BMPR2: variants seen among roughly 807,000 people sequenced by gnomAD.
BMPR2 encodes the protein bone morphogenetic protein receptor type-2.
Under a neutral mutation model 100.8 loss-of-function variants are expected in BMPR2, and 29 were observed. The ratio of observed to expected loss-of-function variants is 0.29; its 90% confidence interval spans 0.21 to 0.39. The LOEUF (loss-of-function observed/expected upper bound fraction) is 0.39. Ranked by LOEUF, BMPR2 falls within the 10% of genes least tolerant of loss-of-function variation. The probability of loss-of-function intolerance (pLI) is 1.00; values close to 1 mark genes in which losing one functional copy is unlikely to be tolerated. For missense variants in BMPR2, 1,011 were observed against 1,274.5 expected, an observed-to-expected ratio of 0.79 and a Z score of 3.15; for synonymous variants, 382 against 442.3, an observed-to-expected ratio of 0.86 and a Z score of 1.71.
At chr2:202,480,944 G>A (rs1358503677) in intron 3 of BMPR2, among the ~76,000 whole-genome samples, 5 of 107,626 alleles carry the variant, frequency 4.6e-5, no homozygotes, top group Non-Finnish European at 6.8e-5. Context: ...GACAGACCGA[G>A]ACTCCGTCTA....
intron 1 of BMPR2, among the ~76,000 whole-genome samples, chr2:202,424,278 G>A (rs1006897254): frequency 6.6e-6 from 1 of 152,032 alleles, no homozygotes; most frequent in African/African-American, 2.4e-5. Flanking sequence ...GGAAGCTGAG[G>A]CAAGAGAATT....
chr2:202,410,404 T>A (rs1690989407), intron 1 of BMPR2, among the ~76,000 whole-genome samples: 1 of 151,982 alleles, frequency 6.6e-6, no homozygotes, highest in Admixed American at 6.6e-5. Context: ...TATCAGAAAG[T>A]AACTAAAAAA....
rs1161944548 is a variant in BMPR2 at position 202,385,361 on chromosome 2, C to CTTTTTT, written c.76+7828_76+7833dup. 6.8e-4 allele frequency among the ~76,000 whole-genome samples: 59 copies of CTTTTTT among 86,310 alleles called. 3 individuals are homozygous for CTTTTTT. Among genetic ancestry groups the CTTTTTT allele is most frequent in the African/African-American group, 9.8e-4 (20 of 20,468 alleles). The allele number at this position is 86,310 out of a possible 152,430, so 56.6% of individuals were successfully genotyped here. Reference sequence around the variant, plus strand: ...TTTTCTTCTAATTAAAAAAAAGATGCTTTTTTTTTTTTTTTTTTTTTTGAG... The same window carrying CTTTTTT: ...TTTTCTTCTAATTAAAAAAAAGATGCTTTTTTTTTTTTTTTTTTTTTTTTTTTTGAG... On this transcript the variant is annotated intron_variant, in intron 1 of 12. Coordinates refer to ENST00000374580, the MANE Select transcript of BMPR2 (RefSeq NM_001204.7).
At chr2:202,454,926 G>T (rs560453535) in intron 1 of BMPR2, among the ~76,000 whole-genome samples, 5 of 152,168 alleles carry the variant, frequency 3.3e-5, no homozygotes, top group Non-Finnish European at 7.4e-5. Context: ...TGGATCCCTG[G>T]TAAGGGCTCT....
intron 1 of BMPR2, among the ~76,000 whole-genome samples, chr2:202,443,421 C>T (rs2105941125): frequency 6.6e-6 from 1 of 150,746 alleles, no homozygotes; most frequent in South Asian, 2.1e-4. Context: ...ATTTTTCATT[C>T]CCACCAACAG....
chr2:202,424,687 C>A (rs1486835254), intron 1 of BMPR2, among the ~76,000 whole-genome samples: 3 of 152,096 alleles, frequency 2.0e-5, no homozygotes, highest in African/African-American at 7.2e-5. Flanking sequence ...CAGAGCGACA[C>A]TCCGTCTCAA....
In BMPR2 at chr2:202,376,883, C is replaced by CT. The variant is rs374932304; in HGVS notation, c.-586dup. On this transcript the variant is annotated 5_prime_UTR_variant, in exon 1 of 13. The change creates a premature stop within an existing upstream ORF in the 5' untranslated region. Coordinates refer to ENST00000374580, the MANE Select transcript of BMPR2 (RefSeq NM_001204.7). ...TGAGCTTGTCCATGGAGGCAGGCAC[C>CT]TTTTTTGATCCAGTCAAGGAAGAGG... The CT allele has an allele frequency of 9.2e-4, 377 of 410,202 alleles. 3 individuals are homozygous for CT. The highest frequency in any genetic ancestry group is 6.2e-3 in the African/African-American group (302 of 48,736). 25.4% of individuals were successfully genotyped at this position (410,202 alleles called of 1,614,324 possible). A position where few individuals can be genotyped will look rare whatever the true frequency, so the allele number is the denominator to read the frequency against.
chr2:202,380,286 A>G (rs960023370), intron 1 of BMPR2, among the ~76,000 whole-genome samples: 1 of 152,156 alleles, frequency 6.6e-6, no homozygotes, highest in Non-Finnish European at 1.5e-5. Flanking sequence ...GCTATTATTT[A>G]AAGGTCAACT....
chr2:202,529,105 A>G (rs1249010074), intron 7 of BMPR2, among the ~76,000 whole-genome samples: 1 of 152,236 alleles, frequency 6.6e-6, no homozygotes, highest in African/African-American at 2.4e-5. Flanking sequence ...AAAAAAATAG[A>G]TATAGACAAC....
chr2:202,498,921 G>T (rs755171112), intron 3 of BMPR2, among the ~76,000 whole-genome samples: 2 of 152,128 alleles, frequency 1.3e-5, no homozygotes, highest in Non-Finnish European at 2.9e-5. Context: ...TGCAAAGCTT[G>T]CAATTTACAT....
chr2:202,406,695 G>C (rs1690897785), intron 1 of BMPR2, among the ~76,000 whole-genome samples: 1 of 152,172 alleles, frequency 6.6e-6, no homozygotes, highest in Non-Finnish European at 1.5e-5. Flanking sequence ...AGATTGGCAG[G>C]CTTTTTGGAT....
chr2:202,551,615 C>A (rs775878723), intron 10 of BMPR2, among the ~76,000 whole-genome samples: 7 of 152,172 alleles, frequency 4.6e-5, no homozygotes, highest in Non-Finnish European at 5.9e-5. Flanking sequence ...AGGAATACTG[C>A]AGAATGGGAC....
chr2:202,537,326 C>T (rs1235519159), intron 9 of BMPR2, among the ~76,000 whole-genome samples: 6 of 152,118 alleles, frequency 3.9e-5, no homozygotes, highest in Non-Finnish European at 8.8e-5. Context: ...TACACTGCTA[C>T]AAACAATATA....
At chr2:202,378,836 T>C (rs1309646673) in intron 1 of BMPR2, among the ~76,000 whole-genome samples, 4 of 152,196 alleles carry the variant, frequency 2.6e-5, no homozygotes, top group Non-Finnish European at 5.9e-5. Flanking sequence ...CCATAAGCCA[T>C]GTGGTTCCTG....
chr2:202,459,075 C>T (rs959265381), intron 1 of BMPR2, among the ~76,000 whole-genome samples: 1 of 152,046 alleles, frequency 6.6e-6, no homozygotes, highest in Non-Finnish European at 1.5e-5. Flanking sequence ...TTAAGCCTTC[C>T]TCTTTGATTG....
chr2:202,421,423 A>G (rs1691259482), intron 1 of BMPR2, among the ~76,000 whole-genome samples: 1 of 151,028 alleles, frequency 6.6e-6, no homozygotes, highest in Non-Finnish European at 1.5e-5. Flanking sequence ...TAGTATTCTT[A>G]GCACTATAGT....
chr2:202,465,078 CAG>C, intron 2 of BMPR2, 99 bp downstream of exon 2: 1 of 1,470,860 alleles, frequency 6.8e-7, no homozygotes, highest in Non-Finnish European at 9.4e-7. Context: ...TTCAGAAAAA[CAG>C]TGAATTTAAA....
chr2:202,496,945 C>T (rs556344091), intron 3 of BMPR2, among the ~76,000 whole-genome samples: 19 of 152,354 alleles, frequency 1.2e-4, no homozygotes, highest in African/African-American at 2.9e-4. Flanking sequence ...CTGCGTGCCA[C>T]GCTTGCGGGC....
At chr2:202,552,976 C>A (rs1359968648) in intron 11 of BMPR2, 88 bp downstream of exon 11, 2 of 1,480,902 alleles carry the variant, frequency 1.4e-6, no homozygotes, top group African/African-American at 1.4e-5. Flanking sequence ...TTTAAACCAG[C>A]CTAATAGTTC....
Sources: gnomAD v4.1 joint callset for allele counts (sites outside exome capture counted in the v4.1 genomes callset) on GRCh38, gnomAD v4.1.1 for gene constraint, MANE v1.5 for transcripts, NCBI Gene and HGNC (gene_info 2026-07-23, HGNC 2026-07-21) for gene names.